Variants in FBLN1 observed in about 807,000 individuals in gnomAD.
FBLN1 encodes the protein fibulin-1.
In FBLN1, 34 loss-of-function variants were observed where a neutral mutation model predicts 89.7. The ratio of observed to expected loss-of-function variants is 0.38; its 90% CI spans 0.29 to 0.50. FBLN1 has a LOEUF of 0.50. Ranked by LOEUF, FBLN1 falls within the 20% of genes least tolerant of loss-of-function variation. The probability of loss-of-function intolerance (pLI) is 0.92; values close to 1 mark genes in which losing one functional copy is unlikely to be tolerated. For synonymous variants in FBLN1, 393 were observed against 391.3 expected, an observed-to-expected ratio of 1.00 and a Z score of -0.05; for missense variants, 777 against 988.1, an observed-to-expected ratio of 0.79 and a Z score of 2.86.
intron 16 of FBLN1, among the ~76,000 whole-genome samples, chr22:45,594,331 G>A (rs1210958298): frequency 6.6e-6 from 1 of 152,162 alleles, no homozygotes; most frequent in East Asian, 1.9e-4. Flanking sequence ...ACGAAGTGAG[G>A]TCCTGGGGCA....
intron 3 of FBLN1, 49 bp downstream of exon 3, chr22:45,525,727 C>T: frequency 6.5e-7 from 1 of 1,550,352 alleles, no homozygotes; most frequent in African/African-American, 1.4e-5. Flanking sequence ...CACTAGTCGG[C>T]AGACCCAGGC....
rs528165046 is a variant in FBLN1, at chr22:45,590,633, C to G, written c.1973-9674C>G. Among the ~76,000 whole-genome samples the G allele has an allele frequency of 1.5e-3, 225 of 152,188 alleles. 1 individual carries two copies. Among genetic ancestry groups the G allele is most frequent in the African/African-American group, 5.1e-3 (212 of 41,532 alleles). On this transcript the variant is annotated intron_variant, in intron 16 of 16. Transcript: ENST00000327858. The surrounding 1 kb of genome is among the most constrained non-coding windows in gnomAD (Gnocchi z 4.1). Reference sequence around the variant, plus strand: ...GGTACACGTGTTCAGGTAGATGCGACGAGGCCGGAACTGAGGCCAGGTGGG... The same window carrying G: ...GGTACACGTGTTCAGGTAGATGCGAGGAGGCCGGAACTGAGGCCAGGTGGG...
At position 45,590,335 on chromosome 22, in the gene FBLN1, G is replaced by C. The variant is rs1458949838; in HGVS notation, c.1973-9972G>C. Among the ~76,000 whole-genome samples the C allele has an allele frequency of 6.6e-6, 1 of 152,226 alleles. No homozygotes were observed. The highest frequency in any genetic ancestry group is 1.5e-5 in the Non-Finnish European group (1 of 68,050). ...GCCCCTCTGGTGTGCCCACGTCTTT[G>C]AGTGAAGTTGGCAAGACTTGAACTC... On this transcript the variant is annotated intron_variant, in intron 16 of 16. Transcript: ENST00000327858. This position sits in a 1 kb window ranked among gnomAD's most constrained non-coding sequence, Gnocchi z 4.1.
Position 45,563,305 on chromosome 22 carries a change from T to C in FBLN1, c.1698-11206T>C. On this transcript the variant is annotated intron_variant, in intron 14 of 16. Coordinates refer to ENST00000327858, the MANE Select transcript of FBLN1 (RefSeq NM_006486.3). This position sits in a 1 kb window ranked among gnomAD's most constrained non-coding sequence, Gnocchi z 5.7. Reference sequence around the variant, plus strand: ...GTCGCGGGGTCTCCCTCCTGTTGCTTTCCTAACCCTGCCCTCCGGGGCGTT... The same window carrying C: ...GTCGCGGGGTCTCCCTCCTGTTGCTCTCCTAACCCTGCCCTCCGGGGCGTT... The C allele has an allele frequency of 6.2e-7, 1 of 1,612,672 alleles. No homozygotes were observed. Among genetic ancestry groups the C allele is most frequent in the Non-Finnish European group, 8.5e-7 (1 of 1,179,976 alleles).
chr22:45,555,272 A>AAT (rs10648791), intron 14 of FBLN1, among the ~76,000 whole-genome samples: 4,357 of 44,516 alleles, frequency 0.098, 236 homozygotes, highest in African/African-American at 0.16. Flanking sequence ...TATAAAATGG[A>AAT]ATATATATAT....
rs894571477 is a variant in FBLN1 at position 45,588,364 on chromosome 22, G to A, written c.1972+11256G>A. ...TGCTTGTGCTGGGGGGAGGGGTGTC[G>A]TGAAAAGGGAAACACCAGGAGTTGT... On this transcript the variant is annotated intron_variant, in intron 16 of 16. Transcript: ENST00000327858. This position sits in a 1 kb window ranked among gnomAD's most constrained non-coding sequence, Gnocchi z 5.1. Among the ~76,000 whole-genome samples the A allele has an allele frequency of 2.6e-5, 4 of 152,174 alleles. No homozygotes were observed. The highest frequency in any genetic ancestry group is 4.8e-5 in the African/African-American group (2 of 41,434).
chr22:45,574,625 T>C lies in FBLN1; in HGVS notation c.1812T>C (p.Pro604=). 6.2e-7 allele frequency: 1 copy of C among 1,614,076 alleles called. No individual in the cohort carries two copies. The highest frequency in any genetic ancestry group is 8.5e-7 in the Non-Finnish European group (1 of 1,180,000). ...TCTCCCACACCGTCATCTCGCTGCCTACCTTCCGCGAGTTCACCCGCCCTG... is the reference window on the plus strand; with the variant it reads ...TCTCCCACACCGTCATCTCGCTGCCCACCTTCCGCGAGTTCACCCGCCCTG... ...HTISHTVISL[P]TFREFTRPEE... Residue 604 remains proline (P), a synonymous_variant, in exon 15 of 17, where the codon CCT becomes CCC. Coordinates refer to ENST00000327858, the MANE Select transcript of FBLN1 (RefSeq NM_006486.3). The surrounding 1 kb of genome is among the most constrained non-coding windows in gnomAD (Gnocchi z 4.1).
intron 14 of FBLN1, chr22:45,564,810 A>G: frequency 6.3e-7 from 1 of 1,585,404 alleles, no homozygotes; most frequent in Non-Finnish European, 8.6e-7. Context: ...TTCAGGGAAC[A>G]GATGACTCTG....
At chr22:45,538,923 G>T (rs1163032775) in intron 8 of FBLN1, among the ~76,000 whole-genome samples, 3 of 152,144 alleles carry the variant, frequency 2.0e-5, no homozygotes, top group Non-Finnish European at 4.4e-5. Flanking sequence ...GAAAGTGGAG[G>T]TCTCTGCCCC....
chr22:45,592,357 C>T lies in FBLN1; in HGVS notation c.1973-7950C>T, dbSNP rs112167390. On this transcript the variant is annotated intron_variant, in intron 16 of 16. Coordinates refer to ENST00000327858, the MANE Select transcript of FBLN1 (RefSeq NM_006486.3). ...TTTTTTCTTTTTTGAGACAGAGTCT[C>T]GCTCAGTCACCCAGGCTGGAGTGTG... is the stretch of plus-strand genomic sequence containing the variant. 7.9e-5 allele frequency among the ~76,000 whole-genome samples: 12 copies of T among 152,160 alleles called. No individual in the cohort carries two copies. The South Asian group carries it at 8.3e-4, about 11-fold the overall frequency.
intron 1 of FBLN1, among the ~76,000 whole-genome samples, chr22:45,508,295 T>TTTTTTTTTTTTTTTTA (rs1265721921): frequency 8.6e-5 from 13 of 150,738 alleles, no homozygotes; most frequent in Middle Eastern, 3.2e-3. Flanking sequence ...TCTTTTTTTT[T>TTTTTTTTTTTTTTTTA]GAGACGGAGT....
rs1349697773 is a variant in FBLN1 at position 45,564,820 on chromosome 22, G to C, written c.1698-9691G>C. The C allele has an allele frequency of 2.5e-6, 4 of 1,600,068 alleles. No homozygotes were observed. In the African/African-American group the frequency reaches 5.4e-5, roughly 21 times the overall value. On this transcript the variant is annotated intron_variant, in intron 14 of 16. Transcript: ENST00000327858. Reference sequence around the variant, plus strand: ...GTCTGTTCAGGGAACAGATGACTCTGCCAGCCCTGGCTTATGTCACTAGCA... The same window carrying C: ...GTCTGTTCAGGGAACAGATGACTCTCCCAGCCCTGGCTTATGTCACTAGCA...
At chr22:45,516,360 A>G (rs534056166) in intron 1 of FBLN1, among the ~76,000 whole-genome samples, 40 of 152,338 alleles carry the variant, frequency 2.6e-4, no homozygotes, top group African/African-American at 7.9e-4. Context: ...GTCAGGCCAC[A>G]TGGCTGGATC....
intron 14 of FBLN1, among the ~76,000 whole-genome samples, chr22:45,568,187 C>G (rs566539258): frequency 5.9e-5 from 9 of 152,324 alleles, no homozygotes; most frequent in Non-Finnish European, 1.3e-4. Context: ...TACTCTTTCT[C>G]AAATTCCAGG....
chr22:45,510,305 C>T (rs1299051731), intron 1 of FBLN1, among the ~76,000 whole-genome samples: 2 of 152,162 alleles, frequency 1.3e-5, no homozygotes, highest in Non-Finnish European at 1.5e-5. Flanking sequence ...TGCTTTCACC[C>T]TATTTTGTTG....
rs2089001877 is a variant in FBLN1 at position 45,576,905 on chromosome 22, C to T, written c.1841-72C>T. 5.6e-6 allele frequency: 9 copies of T among 1,592,926 alleles called. No homozygotes were observed. On this transcript the variant is annotated intron_variant, in intron 15 of 16. Transcript: ENST00000327858. The surrounding 1 kb of genome is among the most constrained non-coding windows in gnomAD (Gnocchi z 5.2). ...GGTCTTCATTCCCCAAGGGTGAGTT[C>T]CTGGGGACGAGGCTGGGACTGGGGC...
At chr22:45,524,437 G>A (rs950111610) in intron 2 of FBLN1, among the ~76,000 whole-genome samples, 1 of 152,192 alleles carries the variant, frequency 6.6e-6, no homozygotes. Flanking sequence ...TTGGCAGGTC[G>A]AGGACCTCTC....
Position 45,557,424 on chromosome 22 carries a change from C to T in FBLN1, c.1697+6809C>T, listed in dbSNP as rs1162356049. ...ATCACCCCGAGGCATGGTGCCACAT[C>T]GAGGGCTCAGTGTTGGTCTCTGCTA... On this transcript the variant is annotated intron_variant, in intron 14 of 16. Transcript: ENST00000327858. This position sits in a 1 kb window ranked among gnomAD's most constrained non-coding sequence, Gnocchi z 4.9. 3.3e-5 allele frequency among the ~76,000 whole-genome samples: 5 copies of T among 152,144 alleles called. No homozygotes were observed. The highest frequency in any genetic ancestry group is 2.1e-4 in the South Asian group (1 of 4,822).
chr22:45,589,375 T>C (rs1033025211), intron 16 of FBLN1, among the ~76,000 whole-genome samples: 9 of 152,066 alleles, frequency 5.9e-5, no homozygotes, highest in African/African-American at 2.2e-4. Context: ...GAAATCTCAG[T>C]TGTCACTTCT....
Sources: gnomAD v4.1 joint callset for allele counts (sites outside exome capture counted in the v4.1 genomes callset) on GRCh38, gnomAD v4.1.1 for gene constraint, Gnocchi (gnomAD v3.1) non-coding constraint, MANE v1.5 for transcripts, NCBI Gene and HGNC (gene_info 2026-07-23, HGNC 2026-07-21) for gene names.